Variants in TET1 observed in about 807,000 individuals in gnomAD.
TET1 encodes the protein methylcytosine dioxygenase TET1.
Under a neutral mutation model 148.7 loss-of-function variants are expected in TET1, and 13 were observed. The ratio of observed to expected loss-of-function variants is 0.09; its 90% confidence interval spans 0.06 to 0.14. TET1 has a LOEUF of 0.14. Among genes scored for constraint, TET1 ranks in the 10% least tolerant of loss-of-function variants. TET1 has a pLI of 1.00. For missense variants in TET1, 2,182 were observed against 2,553.8 expected, an observed-to-expected ratio of 0.85 and a Z score of 3.14; for synonymous variants, 907 against 937.2, an observed-to-expected ratio of 0.97 and a Z score of 0.59.
chr10:68,625,213 G>A (rs188253568), intron 3 of TET1, among the ~76,000 whole-genome samples: 1 of 152,146 alleles, frequency 6.6e-6, no homozygotes, highest in Non-Finnish European at 1.5e-5. Flanking sequence ...AAGTTTGCCC[G>A]CTCCTGGCAA....
At chr10:68,624,678 C>CTT (rs2054444376) in intron 3 of TET1, among the ~76,000 whole-genome samples, 17 of 101,102 alleles carry the variant, frequency 1.7e-4, no homozygotes, top group African/African-American at 2.1e-4. Flanking sequence ...CTCTCTCTCT[C>CTT]TCTCTCTCTC....
At chr10:68,628,306 C>T (rs1434693515) in intron 3 of TET1, among the ~76,000 whole-genome samples, 1 of 152,198 alleles carries the variant, frequency 6.6e-6, no homozygotes, top group Non-Finnish European at 1.5e-5. Flanking sequence ...GCCACTAAAT[C>T]TGTTTTCTCA....
At chr10:68,662,338 A>C (rs563830909) in intron 6 of TET1, among the ~76,000 whole-genome samples, 1 of 152,276 alleles carries the variant, frequency 6.6e-6, no homozygotes, top group Non-Finnish European at 1.5e-5. Context: ...AATAGAAACA[A>C]AATACTAAGC....
chr10:68,691,529 C>T lies in TET1; in HGVS notation c.6126C>T (p.Thr2042=). The change falls in exon 12 of 12, where the codon ACC becomes ACT. Residue 2042 remains threonine (T), a synonymous_variant. Transcript: ENST00000373644. The surrounding 1 kb of genome is among the most constrained non-coding windows in gnomAD (Gnocchi z 4.4). ...AGCACCCCAACCGTAATCATCCAAC[C>T]CGCCTCTCCCTTGTCTTTTACCAGC... ...PVEHPNRNHP[T]RLSLVFYQHK... is the part of the protein sequence containing the mutation. 1.2e-6 allele frequency: 2 copies of T among 1,614,144 alleles called. No homozygotes were observed. The highest frequency in any genetic ancestry group is 1.7e-6 in the Non-Finnish European group (2 of 1,180,028).
At chr10:68,596,023 C>T (rs370551035) in intron 2 of TET1, among the ~76,000 whole-genome samples, 3,341 of 94,832 alleles carry the variant, frequency 0.035, 249 homozygotes, top group African/African-American at 0.14. Flanking sequence ...CACACACACA[C>T]ACACATATAT....
intron 7 of TET1, among the ~76,000 whole-genome samples, chr10:68,671,268 T>A (rs2055268548): frequency 6.6e-6 from 1 of 152,228 alleles, no homozygotes; most frequent in South Asian, 2.1e-4. Flanking sequence ...TCTCATCACT[T>A]AACTCCTACT....
Position 68,691,590 on chromosome 10 carries a change from C to A in TET1, c.6187C>A (p.Leu2063Ile), listed in dbSNP as rs1242813274. ...NLNKPQHGFE[L>I]NKIKFEAKEA... Reference sequence around the variant, plus strand: ...AAATAAGCCCCAACATGGTTTTGAACTAAACAAGATTAAGTTTGAGGCTAA... The same window carrying A: ...AAATAAGCCCCAACATGGTTTTGAAATAAACAAGATTAAGTTTGAGGCTAA... The change falls in exon 12 of 12, where the codon CTA becomes ATA. Residue 2063 changes from leucine (L) to isoleucine (I), a missense_variant. By Grantham distance (5) the Leu-to-Ile change is conservative. Around this residue, in one of 11 missense-constraint regions of TET1, gnomAD observed 54 missense variants for 44.4 expected, o/e 1.22. Transcript: ENST00000373644. The surrounding 1 kb of genome is among the most constrained non-coding windows in gnomAD (Gnocchi z 4.4). 18 of 1,613,968 alleles carry A rather than the reference C, an allele frequency of 1.1e-5. No individual in the cohort carries two copies. The highest frequency in any genetic ancestry group is 1.4e-5 in the Non-Finnish European group (17 of 1,180,028).
chr10:68,576,570 G>A (rs982636708), intron 2 of TET1, among the ~76,000 whole-genome samples: 2 of 152,040 alleles, frequency 1.3e-5, no homozygotes, highest in Non-Finnish European at 2.9e-5. Flanking sequence ...GCTGCAGTGA[G>A]AGGATCGCCT....
intron 3 of TET1, 139 bp from the exon 4 acceptor site, chr10:68,644,559 T>C: frequency 1.2e-6 from 1 of 804,066 alleles, no homozygotes; most frequent in South Asian, 3.0e-5. Flanking sequence ...ATGACTTCGC[T>C]GAATGTGTGA....
intron 3 of TET1, among the ~76,000 whole-genome samples, chr10:68,623,544 G>T (rs1056212313): frequency 3.3e-5 from 5 of 152,180 alleles, no homozygotes; most frequent in Admixed American, 2.0e-4. Flanking sequence ...GCCCTTGAAG[G>T]TCTCTTCTAC....
Position 68,590,355 on chromosome 10 carries a change from C to T in TET1, c.1915-10626C>T, listed in dbSNP as rs141595896. ...TTATGTTGCCCAGGCTGGTCTCAAA[C>T]TCCTGGGCTCAAGCAATCCTCCTGC... is the stretch of plus-strand genomic sequence containing the variant. On this transcript the variant is annotated intron_variant, in intron 2 of 11. Transcript: ENST00000373644. Among the ~76,000 whole-genome samples the T allele has an allele frequency of 4.9e-3, 743 of 151,744 alleles. 3 individuals are homozygous for T. Among genetic ancestry groups the T allele is most frequent in the African/African-American group, 0.017 (715 of 41,390 alleles).
intron 6 of TET1, among the ~76,000 whole-genome samples, chr10:68,656,291 C>T (rs1383012603): frequency 6.6e-6 from 1 of 152,252 alleles, no homozygotes; most frequent in East Asian, 1.9e-4. Context: ...AAATGACAGA[C>T]TCTGGCTGTT....
At chr10:68,565,475 A>AAAAATATATAT (rs1388182777) in intron 1 of TET1, among the ~76,000 whole-genome samples, 32 of 129,222 alleles carry the variant, frequency 2.5e-4, no homozygotes, top group South Asian at 1.6e-3. Flanking sequence ...AAAAAAAAAA[A>AAAAATATATAT]ATATATATAT....
At chr10:68,668,668 C>T (rs2055227068) in intron 7 of TET1, among the ~76,000 whole-genome samples, 1 of 152,134 alleles carries the variant, frequency 6.6e-6, no homozygotes, top group Non-Finnish European at 1.5e-5. Context: ...CAATGTCTGC[C>T]TCCCGGGTTC....
intron 6 of TET1, among the ~76,000 whole-genome samples, chr10:68,656,872 A>G (rs2055029637): frequency 6.6e-6 from 1 of 151,804 alleles, no homozygotes; most frequent in African/African-American, 2.4e-5. Flanking sequence ...GTAAAATACA[A>G]AAAATTAGCC....
chr10:68,653,662 T>C (rs575591387), intron 6 of TET1, among the ~76,000 whole-genome samples: 3 of 152,208 alleles, frequency 2.0e-5, no homozygotes, highest in Non-Finnish European at 2.9e-5. Context: ...AGAATTTACA[T>C]GTTTCTTGTT....
intron 3 of TET1, among the ~76,000 whole-genome samples, chr10:68,605,788 T>C (rs2054115551): frequency 6.6e-6 from 1 of 152,234 alleles, no homozygotes; most frequent in Non-Finnish European, 1.5e-5. Flanking sequence ...ATGCTGGGAT[T>C]ACAGGTGTGA....
At chr10:68,671,013 T>G (rs1404994057) in intron 7 of TET1, among the ~76,000 whole-genome samples, 1 of 152,224 alleles carries the variant, frequency 6.6e-6, no homozygotes. Flanking sequence ...TTTTTTGTTC[T>G]TTCTTTCTGG....
At chr10:68,631,910 A>G (rs1335989929) in intron 3 of TET1, among the ~76,000 whole-genome samples, 4 of 151,938 alleles carry the variant, frequency 2.6e-5, no homozygotes, top group Non-Finnish European at 5.9e-5. Flanking sequence ...TTGTCGGATC[A>G]TGAATTAACT....
Sources: allele counts gnomAD v4.1 joint callset (sites outside exome capture counted in the v4.1 genomes callset), GRCh38; gene constraint gnomAD v4.1.1; regional missense constraint gnomAD v4.1.1; non-coding constraint Gnocchi (gnomAD v3.1); transcripts MANE v1.5; gene names NCBI Gene and HGNC (gene_info 2026-07-23, HGNC 2026-07-21).